The following MYH7B variants were observed in gnomAD, a reference collection of about 807,000 sequenced individuals.
The protein encoded by MYH7B is myosin-7B.
A neutral mutation model predicts 234.5 loss-of-function variants in MYH7B; 205 were observed. The ratio of observed to expected loss-of-function variants is 0.87; its 90% CI spans 0.78 to 0.98. The LOEUF (loss-of-function observed/expected upper bound fraction) is 0.98. Ranked by LOEUF, MYH7B falls within the 50% of genes least tolerant of loss-of-function variation. MYH7B has a pLI of 0.00. For missense variants in MYH7B, 2,652 were observed against 2,633.4 expected, an observed-to-expected ratio of 1.01 and a Z score of -0.15; for synonymous variants, 1,193 against 1,105.0, an observed-to-expected ratio of 1.08 and a Z score of -1.58.
chr20:35,000,161 A>C lies in MYH7B; in HGVS notation c.4782-132A>C. On this transcript the variant is annotated intron_variant, in intron 38 of 44. Coordinates refer to ENST00000262873, the Ensembl canonical transcript of MYH7B. ...TTGCTCTGATGGGCCACAGGCAGTC[A>C]CAAGAGACTTTAAATCGGGGAGGGG... The C allele has an allele frequency of 2.5e-6, 3 of 1,188,848 alleles. No individual in the cohort carries two copies. The East Asian group carries it at 7.1e-5, about 28-fold the overall frequency. The allele number at this position is 1,188,848 out of a possible 1,614,324, so 73.6% of individuals were successfully genotyped here.
intron 1 of MYH7B, among the ~76,000 whole-genome samples, chr20:34,957,794 T>G (rs1198146901): frequency 6.6e-6 from 1 of 152,302 alleles, no homozygotes; most frequent in East Asian, 1.9e-4. Flanking sequence ...CCGGCCCCTT[T>G]TGACTCTTTA....
intron 10 of MYH7B, 30 bp from the exon 11 acceptor site, chr20:34,984,662 C>T (rs2081988008): frequency 2.5e-6 from 4 of 1,600,426 alleles, no homozygotes; most frequent in African/African-American, 1.4e-5. Flanking sequence ...GAGGCCTGGC[C>T]CTCTAATGTT....
intron 32 of MYH7B, 27 bp downstream of exon 32, chr20:34,997,667 C>G: frequency 6.2e-7 from 1 of 1,611,110 alleles, no homozygotes; most frequent in Non-Finnish European, 8.5e-7. Context: ...CACCCCATAC[C>G]CACCCTGACT....
chr20:34,969,440 C>G (rs1371084148), intron 2 of MYH7B, among the ~76,000 whole-genome samples: 1 of 152,102 alleles, frequency 6.6e-6, no homozygotes, highest in Non-Finnish European at 1.5e-5. Flanking sequence ...TGGGTGACTT[C>G]CAAAGGCAGT....
At chr20:34,989,747 G>A in exon 20 of MYH7B, 1 of 1,613,818 alleles carries the variant, frequency 6.2e-7, no homozygotes. Flanking sequence ...CAGCCACTGG[G>A]CATCCTGTCC....
chr20:34,990,472 CCG>C, intron 22 of MYH7B, 162 bp downstream of exon 22: 1 of 942,336 alleles, frequency 1.1e-6, no homozygotes, highest in Non-Finnish European at 1.8e-6. Flanking sequence ...GTGCTGCTTC[CCG>C]TCCCTACGCT....
Position 35,000,892 on chromosome 20 carries a change from ATGTGAGGCTGGGCAAGGGC to A in MYH7B, c.5304+4_5304+22del, listed in dbSNP as rs1430488155. On this transcript the variant is annotated splice_donor_variant and splice_donor_5th_base_variant and coding_sequence_variant and intron_variant, in exon 40 of 45. Transcript: ENST00000262873. LOFTEE classifies it high-confidence loss of function. ...GAGAAGGCCAAAAAGGCCATCACTG[ATGTGAGGCTGGGCAAGGGC>A]TGTGGGGAGCCTGGGACAGAATTGC... is the stretch of plus-strand genomic sequence containing the variant. 1 of 1,610,004 alleles carries A rather than the reference ATGTGAGGCTGGGCAAGGGC, an allele frequency of 6.2e-7. No homozygotes were observed. The highest frequency in any genetic ancestry group is 8.5e-7 in the Non-Finnish European group (1 of 1,178,296).
chr20:34,999,975 TC>T, intron 38 of MYH7B, 69 bp downstream of exon 38: 3 of 1,400,500 alleles, frequency 2.1e-6, no homozygotes, highest in Non-Finnish European at 3.0e-6. Context: ...TGTACTCTGC[TC>T]TCTAGTCTGT....
chr20:34,980,975 C>T lies in MYH7B; in HGVS notation c.500-58C>T. On this transcript the variant is annotated intron_variant, in intron 8 of 44. Coordinates refer to ENST00000262873, the Ensembl canonical transcript of MYH7B. ...CCCCAGATGGATACCCAGGGTGTTC[C>T]ACCTGTGGCTGGCCCCACACCTTGG... is the stretch of plus-strand genomic sequence containing the variant. The T allele has an allele frequency of 2.5e-6, 4 of 1,608,832 alleles. No individual in the cohort carries two copies. The South Asian group carries it at 4.4e-5, about 18-fold the overall frequency.
rs1325970493 is a variant in MYH7B, at chr20:34,999,616, G to A, written c.4586G>A (p.Ser1529Asn). The A allele has an allele frequency of 1.9e-6, 3 of 1,613,620 alleles. No individual in the cohort carries two copies. The highest frequency in any genetic ancestry group is 2.5e-6 in the Non-Finnish European group (3 of 1,179,780). The change falls in exon 37 of 45, where the codon AGC becomes AAC. Residue 1529 changes from serine to asparagine, a missense_variant. Coordinates refer to ENST00000262873, the Ensembl canonical transcript of MYH7B. Reference sequence around the variant, plus strand: ...GACCAGGTGAGTCTCAGTGGGAAGAGCATCCAGGAACTGGAGAAAACCAAG... The same window carrying A: ...GACCAGGTGAGTCTCAGTGGGAAGAACATCCAGGAACTGGAGAAAACCAAG...
intron 2 of MYH7B, among the ~76,000 whole-genome samples, 155 bp from the exon 3 acceptor site, chr20:34,975,245 G>T (rs1218741786): frequency 6.6e-6 from 1 of 152,150 alleles, no homozygotes; most frequent in Non-Finnish European, 1.5e-5. Flanking sequence ...TGGGTCTGTT[G>T]CCCAGCTGGA....
At chr20:34,999,751 C>CCA in intron 37 of MYH7B, 40 bp from the exon 38 acceptor site, 1 of 175,308 alleles carries the variant, frequency 5.7e-6, no homozygotes, top group Non-Finnish European at 7.5e-6. Flanking sequence ...CACTGGCCAT[C>CCA]CCCCCCCCCC....
chr20:34,990,014 G>C, exon 21 of MYH7B: 1 of 1,614,082 alleles, frequency 6.2e-7, no homozygotes, highest in Non-Finnish European at 8.5e-7. Context: ...GTCTCTCCAG[G>C]TGCCTTACAG....
At chr20:34,991,863 C>CAGA (rs1275574371) in intron 24 of MYH7B, among the ~76,000 whole-genome samples, 1 of 152,242 alleles carries the variant, frequency 6.6e-6, no homozygotes, top group Non-Finnish European at 1.5e-5. Context: ...TTCTAACAGT[C>CAGA]TGGCCTGGAG....
At chr20:34,968,544 C>T (rs2081763652) in intron 2 of MYH7B, among the ~76,000 whole-genome samples, 1 of 152,254 alleles carries the variant, frequency 6.6e-6, no homozygotes, top group Non-Finnish European at 1.5e-5. Context: ...AGGCCCCTCC[C>T]TGCTCGTGGT....
intron 19 of MYH7B, among the ~76,000 whole-genome samples, chr20:34,988,516 A>G (rs1333108606): frequency 2.6e-5 from 4 of 152,054 alleles, no homozygotes; most frequent in Admixed American, 2.6e-4. Context: ...GTGTGAATGC[A>G]TGCATCCCAG....
intron 26 of MYH7B, among the ~76,000 whole-genome samples, chr20:34,993,896 C>T (rs1366107537): frequency 6.6e-6 from 1 of 152,226 alleles, no homozygotes; most frequent in Non-Finnish European, 1.5e-5. Flanking sequence ...TCCAGAGCCC[C>T]GTGGCTTAAC....
At chr20:34,982,638 C>G in intron 10 of MYH7B, 83 bp downstream of exon 10, 2 of 1,254,164 alleles carry the variant, frequency 1.6e-6, no homozygotes, top group Non-Finnish European at 2.2e-6. Flanking sequence ...TTTTTTTCCC[C>G]CTTTTTAAAA....
At chr20:34,977,738 G>GGGGGGGGGGGGGCCCCC in intron 4 of MYH7B, 58 bp downstream of exon 4, 2 of 317,140 alleles carry the variant, frequency 6.3e-6, no homozygotes, top group South Asian at 2.1e-5. Context: ...GGGCGGGTGG[G>GGGGGGGGGGGGGCCCCC]TGAGGGTGCC....
Sources: allele counts gnomAD v4.1 joint callset (sites outside exome capture counted in the v4.1 genomes callset), GRCh38; gene constraint gnomAD v4.1.1; transcripts MANE v1.5; gene names NCBI Gene and HGNC (gene_info 2026-07-23, HGNC 2026-07-21).